PRTFDC1: variants seen among roughly 807,000 people sequenced by gnomAD.
PRTFDC1 encodes the protein phosphoribosyltransferase domain-containing protein 1.
Under a neutral mutation model 34.6 loss-of-function variants are expected in PRTFDC1, and 38 were observed. That is an observed-to-expected ratio of 1.10 (90% CI 0.85 to 1.44). The LOEUF (loss-of-function observed/expected upper bound fraction) is 1.44, where lower values mean the gene tolerates loss of function less well. PRTFDC1 is among the 40% of genes most tolerant of loss of function. The pLI is 0.00. For missense variants in PRTFDC1, 270 were observed against 283.0 expected (o/e 0.95, Z 0.33); for synonymous variants, 93 against 98.1 (o/e 0.95, Z 0.31).
At chr10:24,880,365 G>A (rs963465140) in intron 3 of PRTFDC1, among the ~76,000 whole-genome samples, 1 of 151,374 alleles carries the variant, frequency 6.6e-6, no homozygotes, top group African/African-American at 2.4e-5. Context: ...TGATTCTCCT[G>A]CCTTAGCCTC....
chr10:24,891,605 C>G (rs974713049), intron 3 of PRTFDC1, among the ~76,000 whole-genome samples: 16 of 146,394 alleles, frequency 1.1e-4, no homozygotes, highest in African/African-American at 3.6e-4. Context: ...CCAGCCAAGG[C>G]AACATGAAAC....
intron 4 of PRTFDC1, among the ~76,000 whole-genome samples, chr10:24,864,013 C>CAAAAA (rs71399939): frequency 2.8e-5 from 3 of 105,946 alleles, no homozygotes; most frequent in Non-Finnish European, 5.8e-5. Context: ...CAACTCGTCT[C>CAAAAA]AAAAAAAAAA....
At chr10:24,878,282 G>A (rs28596474) in intron 3 of PRTFDC1, among the ~76,000 whole-genome samples, 1 of 117,652 alleles carries the variant, frequency 8.5e-6, no homozygotes, top group African/African-American at 2.6e-5. Flanking sequence ...AAAAAAAAAA[G>A]AAAGAAACTT....
intron 3 of PRTFDC1, among the ~76,000 whole-genome samples, chr10:24,881,439 A>C (rs1934909805): frequency 6.6e-6 from 1 of 152,078 alleles, no homozygotes; most frequent in South Asian, 2.1e-4. Flanking sequence ...CCCTGGACCC[A>C]TGTTGGTTTT....
chr10:24,857,413 C>T (rs1214859220), intron 5 of PRTFDC1, among the ~76,000 whole-genome samples: 1 of 152,158 alleles, frequency 6.6e-6, no homozygotes, highest in Non-Finnish European at 1.5e-5. Context: ...TCCCCCTTGT[C>T]CTCCCCCACT....
intron 3 of PRTFDC1, among the ~76,000 whole-genome samples, chr10:24,897,631 A>C (rs537626689): frequency 1.1e-4 from 16 of 152,374 alleles, no homozygotes; most frequent in Admixed American, 1.3e-4. Flanking sequence ...CTTTGTAAGC[A>C]TAACTGTTTT....
chr10:24,918,576 T>A (rs1848731979), intron 3 of PRTFDC1, among the ~76,000 whole-genome samples: 1 of 151,818 alleles, frequency 6.6e-6, no homozygotes, highest in East Asian at 1.9e-4. Flanking sequence ...CCACCATGCC[T>A]GGCTAATTTT....
chr10:24,849,969 G>T, intron 8 of PRTFDC1, 78 bp from the exon 9 acceptor site: 1 of 1,333,246 alleles, frequency 7.5e-7, no homozygotes, highest in Non-Finnish European at 1.1e-6. Flanking sequence ...AGTAATAACC[G>T]AATGCCATCC....
At chr10:24,885,193 C>T (rs937176456) in intron 3 of PRTFDC1, among the ~76,000 whole-genome samples, 7 of 152,226 alleles carry the variant, frequency 4.6e-5, no homozygotes, top group Non-Finnish European at 8.8e-5. Flanking sequence ...TTTGTATTCT[C>T]GTCCTGGGAC....
intron 4 of PRTFDC1, 108 bp from the exon 5 acceptor site, chr10:24,858,517 C>A: frequency 1.8e-6 from 2 of 1,090,918 alleles, no homozygotes; most frequent in South Asian, 1.4e-5. Context: ...CTTAGACGGT[C>A]CTTCCCCATC....
chr10:24,854,700 A>G (rs572040425), intron 7 of PRTFDC1, among the ~76,000 whole-genome samples: 14 of 152,140 alleles, frequency 9.2e-5, no homozygotes, highest in South Asian at 4.1e-4. Context: ...GCCCTAGAGA[A>G]CACACATCTG....
chr10:24,918,560 T>G (rs917088967), intron 3 of PRTFDC1, among the ~76,000 whole-genome samples: 1 of 151,888 alleles, frequency 6.6e-6, no homozygotes, highest in African/African-American at 2.4e-5. Context: ...TGACTACAGA[T>G]GCATACCACC....
chr10:24,950,333 T>C (rs1318209433), intron 1 of PRTFDC1, among the ~76,000 whole-genome samples: 1 of 152,158 alleles, frequency 6.6e-6, no homozygotes, highest in African/African-American at 2.4e-5. Context: ...ATATTTGCAT[T>C]ATACTTCCTG....
At chr10:24,896,087 A>G (rs1490055391) in intron 3 of PRTFDC1, among the ~76,000 whole-genome samples, 1 of 152,098 alleles carries the variant, frequency 6.6e-6, no homozygotes, top group Admixed American at 6.5e-5. Context: ...AGAAGTCAAC[A>G]GTAGGTGTTC....
intron 3 of PRTFDC1, among the ~76,000 whole-genome samples, chr10:24,900,302 C>A (rs1848427749): frequency 6.6e-6 from 1 of 152,210 alleles, no homozygotes; most frequent in African/African-American, 2.4e-5. Flanking sequence ...GGTCTTGATT[C>A]CCAGTGTCTT....
chr10:24,928,413 T>C (rs1180186386), intron 3 of PRTFDC1, among the ~76,000 whole-genome samples: 2 of 152,204 alleles, frequency 1.3e-5, no homozygotes, highest in Non-Finnish European at 2.9e-5. Context: ...TAAACACAGA[T>C]TTCCTGTCTC....
intron 3 of PRTFDC1, chr10:24,908,378 A>T: frequency 7.8e-7 from 1 of 1,275,660 alleles, no homozygotes; most frequent in Non-Finnish European, 1.1e-6. Context: ...AAGCAAGAAG[A>T]AATACATCAT....
At chr10:24,936,104 A>G (rs1849046528) in intron 3 of PRTFDC1, among the ~76,000 whole-genome samples, 1 of 152,232 alleles carries the variant, frequency 6.6e-6, no homozygotes, top group Admixed American at 6.5e-5. Context: ...GCCAATTCAA[A>G]GAGTGATTCA....
chr10:24,948,621 T>C (rs1180111052), intron 1 of PRTFDC1, among the ~76,000 whole-genome samples: 1 of 152,232 alleles, frequency 6.6e-6, no homozygotes, highest in African/African-American at 2.4e-5. Flanking sequence ...TCTCGTTTTA[T>C]ATTTATATCA....
Sources: gnomAD v4.1 joint callset for allele counts (sites outside exome capture counted in the v4.1 genomes callset) on GRCh38, gnomAD v4.1.1 for gene constraint, MANE v1.5 for transcripts, NCBI Gene and HGNC (gene_info 2026-07-23, HGNC 2026-07-21) for gene names.